USH2A: variants seen among roughly 807,000 people sequenced by gnomAD.
USH2A encodes the protein Usher syndrome 2A (autosomal recessive, mild).
In USH2A, 443 loss-of-function variants were observed where a neutral mutation model predicts 538.9. The observed-to-expected ratio is 0.82, with a 90% CI of 0.76 to 0.89. The LOEUF is 0.89. USH2A is among the 40% of genes least tolerant of loss of function. The pLI, the probability that USH2A is intolerant of heterozygous loss-of-function variation, is 0.00. For synonymous variants in USH2A, 2,413 were observed against 2,273.5 expected, an observed-to-expected ratio of 1.06 and a Z score of -1.75; for missense variants, 6,633 against 6,324.8, an observed-to-expected ratio of 1.05 and a Z score of -1.65.
At chr1:216,076,311 TACTC>T (rs1418543906) in intron 27 of USH2A, among the ~76,000 whole-genome samples, 26 of 152,306 alleles carry the variant, frequency 1.7e-4, no homozygotes, top group African/African-American at 6.3e-4. Flanking sequence ...AATTTAATAT[TACTC>T]ACTAATAAAA....
rs142981061 is a variant in USH2A, at chr1:216,209,805, A to G, written c.3158-2374T>C. ...CTTCAGAACAATTTAAGAGTGATACAGGTGAAGGACAGTCTTTTGTTACAA... is the reference window on the plus strand; with the variant it reads ...CTTCAGAACAATTTAAGAGTGATACGGGTGAAGGACAGTCTTTTGTTACAA... On this transcript the variant is annotated intron_variant, in intron 15 of 71. Transcript: ENST00000307340. 9.3e-4 allele frequency among the ~76,000 whole-genome samples: 142 copies of G among 152,320 alleles called. 2 individuals are homozygous for G. The highest frequency in any genetic ancestry group is 4.1e-3 in the East Asian group (21 of 5,170).
In USH2A at chr1:215,674,767, G is replaced by A; in HGVS notation, c.13144C>T (p.Gln4382Ter). ...AAATATTTAGTAATCTTTCCATTTTGCACTGTGGGCGGTGACCAACATACA... is the reference window on the plus strand; with the variant it reads ...AAATATTTAGTAATCTTTCCATTTTACACTGTGGGCGGTGACCAACATACA... ...MNVCWSPPTV[Q>*]NGKITKYLVR... is the part of the protein sequence containing the mutation. Residue 4382 changes from glutamine to a stop codon, truncating the protein, a stop_gained, in exon 63 of 72, where the codon CAA becomes TAA. Transcript: ENST00000307340. LOFTEE classifies it high-confidence loss of function. The A allele has an allele frequency of 6.2e-7, 1 of 1,614,084 alleles. No homozygotes were observed. The highest frequency in any genetic ancestry group is 8.5e-7 in the Non-Finnish European group (1 of 1,180,018).
intron 35 of USH2A, among the ~76,000 whole-genome samples, chr1:215,989,325 CT>C (rs1465672276): frequency 2.0e-5 from 3 of 152,104 alleles, no homozygotes; most frequent in Non-Finnish European, 2.9e-5. Context: ...CCTGCAACAT[CT>C]TCGTGAGGAT....
chr1:216,015,466 C>A (rs914076823), intron 32 of USH2A, among the ~76,000 whole-genome samples: 7 of 152,194 alleles, frequency 4.6e-5, no homozygotes, highest in African/African-American at 1.7e-4. Flanking sequence ...CTCTCCTTTT[C>A]CTCATAGGAG....
chr1:216,240,090 C>T (rs1479401853), intron 13 of USH2A, among the ~76,000 whole-genome samples: 7 of 150,562 alleles, frequency 4.6e-5, no homozygotes, highest in African/African-American at 1.7e-4. Context: ...AAGCTAAGCT[C>T]TTGCAGTGGA....
At chr1:215,966,323 G>C (rs1667346989) in intron 36 of USH2A, among the ~76,000 whole-genome samples, 1 of 152,144 alleles carries the variant, frequency 6.6e-6, no homozygotes, top group Admixed American at 6.6e-5. Flanking sequence ...TTAATCATTA[G>C]CTTAAATTCA....
chr1:216,285,674 ACACT>A (rs1169105982), intron 11 of USH2A, among the ~76,000 whole-genome samples: 1 of 152,192 alleles, frequency 6.6e-6, no homozygotes, highest in Non-Finnish European at 1.5e-5. Flanking sequence ...AAAGCCACAG[ACACT>A]CAATGCCAGC....
intron 38 of USH2A, among the ~76,000 whole-genome samples, chr1:215,922,115 G>C (rs946440883): frequency 1.3e-5 from 2 of 152,104 alleles, no homozygotes; most frequent in Non-Finnish European, 2.9e-5. Flanking sequence ...TTTCAAAACT[G>C]TACAGATGTA....
At chr1:216,351,091 C>T (rs762459268) in intron 4 of USH2A, among the ~76,000 whole-genome samples, 1 of 152,028 alleles carries the variant, frequency 6.6e-6, no homozygotes, top group African/African-American at 2.4e-5. Flanking sequence ...TGAGTAGCTA[C>T]CATGTGATAG....
At chr1:215,838,157 A>G (rs1663583066) in intron 46 of USH2A, 54 bp from the exon 47 acceptor site, 1 of 1,376,928 alleles carries the variant, frequency 7.3e-7, no homozygotes. Context: ...AATACTTACT[A>G]ACAATAGTCT....
chr1:215,901,376 T>C (rs1188262340), intron 38 of USH2A: 1 of 195,586 alleles, frequency 5.1e-6, no homozygotes, highest in Non-Finnish European at 1.1e-5. Context: ...TTTCTTTTTT[T>C]TTTTGGAGGA....
Position 215,779,867 on chromosome 1 carries a change from C to T in USH2A, c.10915G>A (p.Asp3639Asn), listed in dbSNP as rs776739971. ...GKGLIHTDTT[D>N]RRQHTVTGLQ... ...CCTGTGACCGTATGCTGTCTCCTGT[C>T]AGTGGTGTCAGTGTGGATGAGACCT... The change falls in exon 55 of 72, where the codon GAC (aspartate) becomes AAC (asparagine). Residue 3639 changes from aspartate (D) to asparagine (N), a missense_variant. Coordinates refer to ENST00000307340, the MANE Select transcript of USH2A (RefSeq NM_206933.4). The T allele has an allele frequency of 6.2e-7, 1 of 1,613,990 alleles. No homozygotes were observed. Among genetic ancestry groups the T allele is most frequent in the South Asian group, 1.1e-5 (1 of 91,066 alleles).
At position 215,850,363 on chromosome 1, in the gene USH2A, T is replaced by C. The variant is rs537464633; in HGVS notation, c.8846-4330A>G. On this transcript the variant is annotated intron_variant, in intron 44 of 71. Transcript: ENST00000307340. The stretch of plus-strand genomic sequence containing the variant: ...TCTGTAATCTGAAGGCAAAGATTTC[T>C]AGAACTCCCTAATACCAACATTTTT... 2.0e-5 allele frequency among the ~76,000 whole-genome samples: 3 copies of C among 152,292 alleles called. No individual in the cohort carries two copies. The South Asian group carries it at 6.2e-4, about 32-fold the overall frequency.
At position 215,844,513 on chromosome 1, in the gene USH2A, A is replaced by T. The variant is rs369744333; in HGVS notation, c.9056-17T>A. Reference sequence around the variant, plus strand: ...CCTGAGGCTCTAGAATTAAAGGAAGAAACTGAATAAACTCCAGCTGTCTCT... The same window carrying T: ...CCTGAGGCTCTAGAATTAAAGGAAGTAACTGAATAAACTCCAGCTGTCTCT... On this transcript the variant is annotated splice_polypyrimidine_tract_variant and intron_variant, in intron 45 of 71. Coordinates refer to ENST00000307340, the MANE Select transcript of USH2A (RefSeq NM_206933.4). The T allele has an allele frequency of 4.9e-5, 79 of 1,602,974 alleles. 1 individual carries two copies. The African/African-American group carries it at 5.1e-4, about 10-fold the overall frequency.
At chr1:216,150,250 C>G (rs2033805601) in intron 21 of USH2A, among the ~76,000 whole-genome samples, 1 of 152,128 alleles carries the variant, frequency 6.6e-6, no homozygotes, top group South Asian at 2.1e-4. Flanking sequence ...TCTCTTGGTG[C>G]TATCCCCAAA....
At chr1:215,941,796 G>T (rs945848651) in intron 37 of USH2A, among the ~76,000 whole-genome samples, 1 of 152,112 alleles carries the variant, frequency 6.6e-6, no homozygotes, top group Non-Finnish European at 1.5e-5. Flanking sequence ...ATATACTTGA[G>T]ATGGTTCCTC....
intron 27 of USH2A, among the ~76,000 whole-genome samples, chr1:216,074,585 C>T (rs934244664): frequency 6.6e-6 from 1 of 152,152 alleles, no homozygotes; most frequent in Non-Finnish European, 1.5e-5. Flanking sequence ...CTATTATCCA[C>T]ATTTTTTTAG....
At chr1:216,351,839 CAA>C (rs368599423) in intron 4 of USH2A, among the ~76,000 whole-genome samples, 2 of 139,402 alleles carry the variant, frequency 1.4e-5, no homozygotes, top group East Asian at 2.1e-4. Flanking sequence ...TTTTGCAAAA[CAA>C]AAAAAAAAAT....
intron 19 of USH2A, 150 bp downstream of exon 19, chr1:216,196,403 G>A: frequency 6.7e-6 from 5 of 748,310 alleles, no homozygotes; most frequent in Non-Finnish European, 1.1e-5. Context: ...CAAAGAGGGA[G>A]GCTTGTACAC....
Sources: allele counts gnomAD v4.1 joint callset (sites outside exome capture counted in the v4.1 genomes callset), GRCh38; gene constraint gnomAD v4.1.1; transcripts MANE v1.5; gene names NCBI Gene and HGNC (gene_info 2026-07-23, HGNC 2026-07-21).